Variants in AKAP7 observed in about 807,000 individuals in gnomAD.
The protein encoded by AKAP7 is A kinase (PRKA) anchor protein 7.
A neutral mutation model predicts 39.5 loss-of-function variants in AKAP7; 39 were observed. The ratio of observed to expected loss-of-function variants is 0.99; its 90% CI spans 0.76 to 1.29. The LOEUF is 1.29. Ranked by LOEUF, AKAP7 falls within the 50% of genes most tolerant of loss-of-function variation. The pLI, the probability that AKAP7 is intolerant of heterozygous loss-of-function variation, is 0.00. For missense variants in AKAP7, 414 were observed against 407.7 expected (o/e 1.02, Z -0.13); for synonymous variants, 140 against 139.1 (o/e 1.01, Z -0.05).
chr6:131,249,111 G>A lies in AKAP7; in HGVS notation c.850+29303G>A, dbSNP rs182940690. Among the ~76,000 whole-genome samples the A allele has an allele frequency of 2.6e-5, 4 of 152,216 alleles. No individual in the cohort carries two copies. In the East Asian group the frequency reaches 7.7e-4, roughly 29 times the overall value. On this transcript the variant is annotated intron_variant, in intron 7 of 7. Coordinates refer to ENST00000431975, the MANE Select transcript of AKAP7 (RefSeq NM_016377.4). ...CTCTAAACATTAATTTTAATTATGT[G>A]GATAGACCTGCCAGTTTAATCAGTC...
intron 6 of AKAP7, among the ~76,000 whole-genome samples, chr6:131,214,266 A>C (rs932148881): frequency 3.9e-5 from 6 of 152,318 alleles, no homozygotes; most frequent in African/African-American, 1.2e-4. Flanking sequence ...TCTACCTACT[A>C]CTTGCTGAAA....
At chr6:131,208,197 T>C (rs533980649) in intron 6 of AKAP7, among the ~76,000 whole-genome samples, 1 of 152,356 alleles carries the variant, frequency 6.6e-6, no homozygotes, top group African/African-American at 2.4e-5. Flanking sequence ...CCTTCACTTA[T>C]GTTTCTAATG....
chr6:131,176,869 G>T (rs959013496), intron 5 of AKAP7, among the ~76,000 whole-genome samples: 1 of 152,052 alleles, frequency 6.6e-6, no homozygotes, highest in African/African-American at 2.4e-5. Context: ...TAATGGCTTG[G>T]GCTACGCTTT....
At chr6:131,173,407 C>T (rs1012461924) in intron 5 of AKAP7, among the ~76,000 whole-genome samples, 2 of 152,100 alleles carry the variant, frequency 1.3e-5, no homozygotes, top group South Asian at 2.1e-4. Context: ...TTTTTGTGCA[C>T]TTACCTCATA....
chr6:131,240,524 G>C (rs1811453052), intron 7 of AKAP7, among the ~76,000 whole-genome samples: 1 of 152,212 alleles, frequency 6.6e-6, no homozygotes, highest in Non-Finnish European at 1.5e-5. Flanking sequence ...ATAGAGGCAG[G>C]CAGGCCTCCT....
chr6:131,131,187 C>T (rs956410107), upstream of AKAP7, among the ~76,000 whole-genome samples: 8 of 152,196 alleles, frequency 5.3e-5, no homozygotes, highest in South Asian at 2.1e-4. Flanking sequence ...TACACATCCT[C>T]GCATCCACCC....
chr6:131,139,747 A>G (rs1041115205), intron 1 of AKAP7, among the ~76,000 whole-genome samples: 1 of 152,244 alleles, frequency 6.6e-6, no homozygotes, highest in Non-Finnish European at 1.5e-5. Flanking sequence ...GAATCAAAGG[A>G]GAATAAGACA....
chr6:131,257,198 AGT>A (rs1812933119), intron 7 of AKAP7, among the ~76,000 whole-genome samples: 1 of 152,096 alleles, frequency 6.6e-6, no homozygotes, highest in African/African-American at 2.4e-5. Context: ...TGCAGCAAAT[AGT>A]GTGTTAATTG....
chr6:131,127,620 A>ATTAAAT, the AKAP7 span, among the ~76,000 whole-genome samples: 1 of 152,242 alleles, frequency 6.6e-6, no homozygotes, highest in Non-Finnish European at 1.5e-5. Flanking sequence ...AAACTTCTAT[A>ATTAAAT]TACGAATTAA....
chr6:131,200,878 A>G (rs2128282342), intron 6 of AKAP7: 1 of 152,304 alleles, frequency 6.6e-6, no homozygotes, highest in East Asian at 1.9e-4. Context: ...AGTGGTTTCA[A>G]ACTTAATCAC....
chr6:131,155,947 T>C (rs1316691735), intron 2 of AKAP7, among the ~76,000 whole-genome samples: 1 of 152,240 alleles, frequency 6.6e-6, no homozygotes, highest in Non-Finnish European at 1.5e-5. Context: ...AATCAGCTCT[T>C]TCTCCAAGGA....
At chr6:131,204,181 T>C (rs1397599323) in intron 6 of AKAP7, among the ~76,000 whole-genome samples, 2 of 152,218 alleles carry the variant, frequency 1.3e-5, no homozygotes, top group African/African-American at 2.4e-5. Context: ...GCTGCTGATA[T>C]TATTCTAAAG....
intron 5 of AKAP7, among the ~76,000 whole-genome samples, chr6:131,179,125 C>G (rs1804862842): frequency 6.6e-6 from 1 of 152,132 alleles, no homozygotes; most frequent in African/African-American, 2.4e-5. Context: ...GGGATGCCCT[C>G]ATAGGTCTCA....
At chr6:131,128,211 G>C in the AKAP7 span, among the ~76,000 whole-genome samples, 2 of 152,040 alleles carry the variant, frequency 1.3e-5, no homozygotes, top group African/African-American at 4.8e-5. Flanking sequence ...TAAAGTAGTA[G>C]AAAAAGGTAA....
chr6:131,282,189 A>C lies in AKAP7; in HGVS notation c.*463A>C. ...TTGTCATCTGTACAATTAGTCCATAATGTTTCATGTTTGTCCTAAGTGTGC... is the reference window on the plus strand; with the variant it reads ...TTGTCATCTGTACAATTAGTCCATACTGTTTCATGTTTGTCCTAAGTGTGC... On this transcript the variant is annotated 3_prime_UTR_variant, in exon 8 of 8. Coordinates refer to ENST00000431975, the MANE Select transcript of AKAP7 (RefSeq NM_016377.4). 1.6e-6 allele frequency: 2 copies of C among 1,278,858 alleles called. No homozygotes were observed. The highest frequency in any genetic ancestry group is 2.0e-6 in the Non-Finnish European group (2 of 1,016,082). The allele number at this position is 1,278,858 out of a possible 1,614,324, so 79.2% of individuals were successfully genotyped here.
At chr6:131,156,883 T>C (rs1005037824) in intron 2 of AKAP7, among the ~76,000 whole-genome samples, 6 of 151,856 alleles carry the variant, frequency 4.0e-5, no homozygotes, top group African/African-American at 1.5e-4. Context: ...CACGCCATTC[T>C]CCTGCCTCAG....
Position 131,266,375 on chromosome 6 carries a change from G to A in AKAP7, c.851-15155G>A, listed in dbSNP as rs530972445. Among the ~76,000 whole-genome samples, 11 of 152,256 alleles carry A rather than the reference G, an allele frequency of 7.2e-5. No homozygotes were observed. The South Asian group carries it at 2.3e-3, about 32-fold the overall frequency. ...CATGTGAAGATCAAGAGCTTGAGAAGCAAATGTCAACTGATGGGTCAAATT... is the reference window on the plus strand; with the variant it reads ...CATGTGAAGATCAAGAGCTTGAGAAACAAATGTCAACTGATGGGTCAAATT... On this transcript the variant is annotated intron_variant, in intron 7 of 7. Transcript: ENST00000431975.
rs1815344565 is a variant in AKAP7, at chr6:131,283,364, A to G, written c.*1638A>G. 6.6e-6 allele frequency: 1 copy of G among 152,632 alleles called. No individual in the cohort carries two copies. Among genetic ancestry groups the G allele is most frequent in the Admixed American group, 6.5e-5 (1 of 15,282 alleles). The allele number at this position is 152,632 out of a possible 1,614,324, so 9.5% of individuals were successfully genotyped here. A position where few individuals can be genotyped will look rare whatever the true frequency, so the allele number is the denominator to read the frequency against. On this transcript the variant is annotated 3_prime_UTR_variant, in exon 8 of 8. Coordinates refer to ENST00000431975, the MANE Select transcript of AKAP7 (RefSeq NM_016377.4). ...TCTATAGTCATTGATGGAGTAGATC[A>G]TGATGGAGGGGAAATCACTGGAGAT... is the stretch of plus-strand genomic sequence containing the variant.
chr6:131,222,395 C>T (rs181316964), intron 7 of AKAP7, among the ~76,000 whole-genome samples: 14 of 152,010 alleles, frequency 9.2e-5, no homozygotes, highest in African/African-American at 2.9e-4. Context: ...GGCGTGGTGG[C>T]GGGCGCCTGT....
Sources: allele counts gnomAD v4.1 joint callset (sites outside exome capture counted in the v4.1 genomes callset), GRCh38; gene constraint gnomAD v4.1.1; transcripts MANE v1.5; gene names NCBI Gene and HGNC (gene_info 2026-07-23, HGNC 2026-07-21).